The following POU6F2 variants were observed in gnomAD, a reference collection of about 807,000 sequenced individuals.
The protein encoded by POU6F2 is POU class 6 homeobox 2, also known as POU domain, class 6, transcription factor 2.
POU6F2 carries 31 observed loss-of-function variants against 71.3 expected under a neutral mutation model. That is an observed-to-expected ratio of 0.43 (90% CI 0.33 to 0.59). The LOEUF is 0.59. Among genes scored for constraint, POU6F2 ranks in the 20% least tolerant of loss-of-function variants. POU6F2 has a pLI of 0.04. For synonymous variants in POU6F2, 347 were observed against 355.7 expected (o/e 0.98, Z 0.27); for missense variants, 783 against 856.8 (o/e 0.91, Z 1.07).
intron 1 of POU6F2, among the ~76,000 whole-genome samples, chr7:39,081,209 A>G (rs1456215896): frequency 6.6e-6 from 1 of 152,250 alleles, no homozygotes; most frequent in Non-Finnish European, 1.5e-5. Flanking sequence ...GAGAAGCACT[A>G]CACAAATATG....
intron 5 of POU6F2, among the ~76,000 whole-genome samples, chr7:39,390,060 TAGTG>T (rs1231295975): frequency 4.6e-5 from 7 of 152,324 alleles, no homozygotes; most frequent in Non-Finnish European, 5.9e-5. Flanking sequence ...TAGGTAGTGA[TAGTG>T]AGGACACCAT....
rs894321975 is a variant in POU6F2, at chr7:39,252,409, C to G, written c.598+44789C>G. On this transcript the variant is annotated intron_variant, in intron 4 of 9. Transcript: ENST00000518318. ...ACAGACAGACAGACAGACACACACA[C>G]ACACACACACACACACACACACACA... is the stretch of plus-strand genomic sequence containing the variant. Among the ~76,000 whole-genome samples, 213 of 149,194 alleles carry G rather than the reference C, an allele frequency of 1.4e-3. 1 individual carries two copies. In the South Asian group the frequency reaches 0.017, roughly 12 times the overall value.
intron 4 of POU6F2, among the ~76,000 whole-genome samples, chr7:39,280,261 C>T (rs1037852420): frequency 6.6e-6 from 1 of 152,156 alleles, no homozygotes; most frequent in Non-Finnish European, 1.5e-5. Context: ...AGCCCATGCT[C>T]CCCCAAGGTG....
rs1461973335 is a variant in POU6F2 at position 39,085,921 on chromosome 7, C to T, written c.167C>T (p.Ala56Val). The T allele has an allele frequency of 3.7e-6, 6 of 1,613,294 alleles. No individual in the cohort carries two copies. Among genetic ancestry groups the T allele is most frequent in the Middle Eastern group, 1.6e-4 (1 of 6,084 alleles). Reference protein sequence around the residue: ...PLLSVRSEMNAELRGEDKAAT... With the variant: ...PLLSVRSEMNVELRGEDKAAT... The stretch of plus-strand genomic sequence containing the variant: ...CTGTCAGTGCGGAGTGAAATGAATG[C>T]GGAGTTGAGAGGTGAGGACAAGGCT... Residue 56 changes from alanine to valine, a missense_variant, in exon 2 of 10, where the codon GCG becomes GTG. Coordinates refer to ENST00000518318, the MANE Select transcript of POU6F2 (RefSeq NM_001370959.1).
intron 1 of POU6F2, among the ~76,000 whole-genome samples, chr7:39,026,591 G>A (rs949771909): frequency 6.6e-6 from 1 of 151,992 alleles, no homozygotes; most frequent in African/African-American, 2.4e-5. Context: ...CACACTCTGG[G>A]GACTGTTGTG....
intron 5 of POU6F2, among the ~76,000 whole-genome samples, chr7:39,389,016 T>C (rs565327375): frequency 1.3e-5 from 2 of 152,200 alleles, no homozygotes; most frequent in African/African-American, 2.4e-5. Flanking sequence ...TTGATATCTG[T>C]ACACTTCAGT....
chr7:39,229,363 T>G (rs1435944611), intron 4 of POU6F2, among the ~76,000 whole-genome samples: 2 of 152,208 alleles, frequency 1.3e-5, no homozygotes. Context: ...TCATTAGCAA[T>G]GCTCCCTCTC....
At chr7:39,172,198 T>A (rs1793229528) in intron 2 of POU6F2, among the ~76,000 whole-genome samples, 1 of 152,312 alleles carries the variant, frequency 6.6e-6, no homozygotes, top group East Asian at 1.9e-4. Context: ...TAAGATAATA[T>A]TATATATTTA....
chr7:39,150,569 T>C (rs1792736552), intron 2 of POU6F2, among the ~76,000 whole-genome samples: 1 of 149,552 alleles, frequency 6.7e-6, no homozygotes. Flanking sequence ...CAGGTTCCAG[T>C]GATTCTCCTG....
At chr7:38,997,222 C>A (rs1274477927) in intron 1 of POU6F2, among the ~76,000 whole-genome samples, 7 of 152,268 alleles carry the variant, frequency 4.6e-5, no homozygotes, top group African/African-American at 1.7e-4. Context: ...GGAATGCATT[C>A]TTCCCTATTC....
At chr7:39,248,036 A>G (rs1354196501) in intron 4 of POU6F2, among the ~76,000 whole-genome samples, 30 of 152,144 alleles carry the variant, frequency 2.0e-4, no homozygotes, top group Non-Finnish European at 2.9e-5. Flanking sequence ...AATACATCCA[A>G]TATTAAAGAC....
Position 39,013,091 on chromosome 7 carries a change from T to G in POU6F2, c.105+35033T>G, listed in dbSNP as rs1308773392. The G allele has an allele frequency of 2.3e-3, 347 of 152,294 alleles. 2 individuals carry two copies. Among genetic ancestry groups the G allele is most frequent in the Admixed American group, 3.7e-3 (57 of 15,264 alleles). 9.4% of individuals were successfully genotyped at this position (152,294 alleles called of 1,614,324 possible). A position where few individuals can be genotyped will look rare whatever the true frequency, so the allele number is the denominator to read the frequency against. The stretch of plus-strand genomic sequence containing the variant: ...CTTCCCGGCTGCTTTGTTTACCTAA[T>G]CAAGCCTGGGCAATGGCGGGCGCCC... On this transcript the variant is annotated intron_variant, in intron 1 of 9. Coordinates refer to ENST00000518318, the MANE Select transcript of POU6F2 (RefSeq NM_001370959.1).
intron 4 of POU6F2, among the ~76,000 whole-genome samples, chr7:39,332,671 A>G (rs1031379626): frequency 6.6e-6 from 1 of 152,116 alleles, no homozygotes; most frequent in East Asian, 1.9e-4. Context: ...TAGCAGTTTG[A>G]TTTATGTTTC....
At chr7:39,287,772 C>T (rs1784676835) in intron 4 of POU6F2, among the ~76,000 whole-genome samples, 1 of 152,124 alleles carries the variant, frequency 6.6e-6, no homozygotes, top group African/African-American at 2.4e-5. Flanking sequence ...ATGAAGAATC[C>T]CAGACCCCAG....
chr7:39,205,315 G>C (rs754964752), intron 3 of POU6F2, among the ~76,000 whole-genome samples: 2 of 152,094 alleles, frequency 1.3e-5, no homozygotes, highest in Non-Finnish European at 2.9e-5. Flanking sequence ...ATGTAATTAT[G>C]TGTGTCTGTG....
rs1793745499 is a variant in POU6F2 at position 39,194,711 on chromosome 7, G to A, written c.278-9524G>A. Among the ~76,000 whole-genome samples the A allele has an allele frequency of 2.0e-5, 3 of 152,182 alleles. 1 individual carries two copies. The highest frequency in any genetic ancestry group is 3.9e-4 in the East Asian group (2 of 5,190). ...TACGCTGTGGGATATTTGTTCTTTC[G>A]TTCTTCACAGTAACTTTTGCTGGTG... On this transcript the variant is annotated intron_variant, in intron 2 of 9. Transcript: ENST00000518318.
chr7:39,226,475 CCA>C (rs1186129718), intron 4 of POU6F2, among the ~76,000 whole-genome samples: 1 of 152,132 alleles, frequency 6.6e-6, no homozygotes, highest in Non-Finnish European at 1.5e-5. Context: ...TACAATCTAA[CCA>C]CACATTTAAA....
rs564651070 is a variant in POU6F2, at chr7:39,423,473, C to CTGAG, written c.1114-9580_1114-9577dup. ...ACAGGAGGCCCTCAGAAAGGATTTGCTGAGTGAGTGAGTGAGTGAGTGAGT... is the reference window on the plus strand; with the variant it reads ...ACAGGAGGCCCTCAGAAAGGATTTGCTGAGTGAGTGAGTGAGTGAGTGAGTGAGT... On this transcript the variant is annotated intron_variant, in intron 6 of 9. Transcript: ENST00000518318. 1.7e-3 allele frequency among the ~76,000 whole-genome samples: 236 copies of CTGAG among 137,454 alleles called. 1 individual carries two copies. Among genetic ancestry groups the CTGAG allele is most frequent in the Non-Finnish European group, 2.2e-3 (138 of 63,566 alleles). 90.2% of individuals were successfully genotyped at this position (137,454 alleles called of 152,430 possible). A position where few individuals can be genotyped will look rare whatever the true frequency, so the allele number is the denominator to read the frequency against.
At chr7:39,132,994 A>G (rs1485415818) in intron 2 of POU6F2, among the ~76,000 whole-genome samples, 1 of 152,226 alleles carries the variant, frequency 6.6e-6, no homozygotes, top group Non-Finnish European at 1.5e-5. Context: ...TACCTCTTTG[A>G]CAAAAGTCCT....
Sources: allele counts gnomAD v4.1 joint callset (sites outside exome capture counted in the v4.1 genomes callset), GRCh38; gene constraint gnomAD v4.1.1; transcripts MANE v1.5; gene names NCBI Gene and HGNC (gene_info 2026-07-23, HGNC 2026-07-21).